The following DNAJC5 variants were observed in gnomAD, a reference collection of about 807,000 sequenced individuals.
DNAJC5 encodes DnaJ heat shock protein family (Hsp40) member C5.
DNAJC5 carries 1 observed loss-of-function variant against 23.2 expected under a neutral mutation model. That is an observed-to-expected ratio of 0.04 (90% CI 0.02 to 0.20). The LOEUF is 0.20. DNAJC5 is among the 10% of genes least tolerant of loss of function. The probability of loss-of-function intolerance (pLI) is 1.00; values close to 1 mark genes in which losing one functional copy is unlikely to be tolerated. For missense variants in DNAJC5, 180 were observed against 267.0 expected, an observed-to-expected ratio of 0.67 and a Z score of 2.27; for synonymous variants, 136 against 120.0, an observed-to-expected ratio of 1.13 and a Z score of -0.87.
Position 63,935,079 on chromosome 20 carries a change from T to C in DNAJC5, c.*3511T>C, listed in dbSNP as rs2053706883. The stretch of plus-strand genomic sequence containing the variant: ...CAGGACTGGCCTGTGTCTGTTATTT[T>C]GGTTGTAAATCATTCTCCTGTGGAA... On this transcript the variant is annotated 3_prime_UTR_variant, in exon 5 of 5. Transcript: ENST00000360864. 6.6e-6 allele frequency: 1 copy of C among 152,322 alleles called. No individual in the cohort carries two copies. Among genetic ancestry groups the C allele is most frequent in the African/African-American group, 2.4e-5 (1 of 41,476 alleles). 9.4% of individuals were successfully genotyped at this position (152,322 alleles called of 1,614,324 possible).
Position 63,931,122 on chromosome 20 carries a change from CTG to C in DNAJC5, c.493+103_493+104del. The stretch of plus-strand genomic sequence containing the variant: ...CTTGTCAAACAGGAGGGCACTGACA[CTG>C]TGCCGCGAGTGTTTGTGGTGGCAGC... On this transcript the variant is annotated intron_variant, in intron 4 of 4. Transcript: ENST00000360864. The surrounding 1 kb of genome is among the most constrained non-coding windows in gnomAD (Gnocchi z 9.6). 1 of 1,293,828 alleles carries C rather than the reference CTG, an allele frequency of 7.7e-7. No homozygotes were observed. The allele number at this position is 1,293,828 out of a possible 1,614,324, so 80.1% of individuals were successfully genotyped here. A position where few individuals can be genotyped will look rare whatever the true frequency, so the allele number is the denominator to read the frequency against.
chr20:63,915,546 C>T (rs554422829), intron 1 of DNAJC5, among the ~76,000 whole-genome samples: 2 of 152,242 alleles, frequency 1.3e-5, no homozygotes, highest in South Asian at 4.1e-4. Context: ...CTGGATATGT[C>T]CACTGGGCAC....
At chr20:63,904,256 C>T (rs931384154) in intron 1 of DNAJC5, among the ~76,000 whole-genome samples, 6 of 152,158 alleles carry the variant, frequency 3.9e-5, no homozygotes, top group Non-Finnish European at 8.8e-5. Context: ...TGTCATCATA[C>T]ATGTTAAAGT....
rs1422099172 is a variant in DNAJC5 at position 63,932,970 on chromosome 20, C to T, written c.*1402C>T. The T allele has an allele frequency of 5.9e-5, 9 of 152,500 alleles. No homozygotes were observed. The highest frequency in any genetic ancestry group is 1.3e-4 in the Non-Finnish European group (9 of 68,166). The allele number at this position is 152,500 out of a possible 1,614,324, so 9.4% of individuals were successfully genotyped here. ...GGAGCAGGGGGAACGGGTCTGATGTCCCTGTGCTGGCTGAGGGCTCAGAGC... is the reference window on the plus strand; with the variant it reads ...GGAGCAGGGGGAACGGGTCTGATGTTCCTGTGCTGGCTGAGGGCTCAGAGC... On this transcript the variant is annotated 3_prime_UTR_variant, in exon 5 of 5. Transcript: ENST00000360864. The surrounding 1 kb of genome is among the most constrained non-coding windows in gnomAD (Gnocchi z 4.4).
At chr20:63,910,354 C>G (rs1203772181) in intron 1 of DNAJC5, among the ~76,000 whole-genome samples, 1 of 152,026 alleles carries the variant, frequency 6.6e-6, no homozygotes, top group Non-Finnish European at 1.5e-5. Context: ...ACCATCCTGG[C>G]TAACACGGTG....
intron 1 of DNAJC5, among the ~76,000 whole-genome samples, chr20:63,919,207 A>T (rs1263129392): frequency 6.6e-6 from 1 of 152,238 alleles, no homozygotes; most frequent in African/African-American, 2.4e-5. Flanking sequence ...TCTGAGGAGC[A>T]GGGACCTGCT....
chr20:63,911,368 C>A (rs773778944), intron 1 of DNAJC5, among the ~76,000 whole-genome samples: 4 of 152,182 alleles, frequency 2.6e-5, no homozygotes, highest in Admixed American at 2.0e-4. Context: ...TTGTGACTCA[C>A]GAGGGCAGGC....
chr20:63,907,684 T>C (rs2053456462), intron 1 of DNAJC5, among the ~76,000 whole-genome samples: 1 of 152,166 alleles, frequency 6.6e-6, no homozygotes, highest in African/African-American at 2.4e-5. Flanking sequence ...TCAAAGCAGA[T>C]ATCACAAGTT....
At chr20:63,902,438 G>GGC in intron 1 of DNAJC5, among the ~76,000 whole-genome samples, 1 of 134,760 alleles carries the variant, frequency 7.4e-6, no homozygotes, top group African/African-American at 2.9e-5. Flanking sequence ...GTGTGATCTT[G>GGC]GCTCACCGCA....
intron 1 of DNAJC5, among the ~76,000 whole-genome samples, chr20:63,911,974 G>A (rs1428745181): frequency 2.0e-5 from 3 of 151,986 alleles, no homozygotes; most frequent in Admixed American, 6.6e-5. Context: ...TGCCATGGCC[G>A]GCTGGAAAGT....
chr20:63,929,096 C>G lies in DNAJC5; in HGVS notation c.108-216C>G. On this transcript the variant is annotated intron_variant, in intron 2 of 4. Transcript: ENST00000360864. This position sits in a 1 kb window ranked among gnomAD's most constrained non-coding sequence, Gnocchi z 8.6. ...CTCACAGCCCTTGGGGCTCCCTCCTCTGAGGCTGGGTCAGGGTGAGGAGGT... is the reference window on the plus strand; with the variant it reads ...CTCACAGCCCTTGGGGCTCCCTCCTGTGAGGCTGGGTCAGGGTGAGGAGGT... Among the ~76,000 whole-genome samples the G allele has an allele frequency of 6.6e-6, 1 of 152,242 alleles. No homozygotes were observed. The highest frequency in any genetic ancestry group is 1.9e-4 in the East Asian group (1 of 5,202).
chr20:63,901,190 C>G (rs1224323164), intron 1 of DNAJC5, among the ~76,000 whole-genome samples: 3 of 152,208 alleles, frequency 2.0e-5, no homozygotes, highest in Admixed American at 2.0e-4. Flanking sequence ...GTCTCAAACT[C>G]CTGAACTCAA....
chr20:63,908,777 G>T (rs2053463161), intron 1 of DNAJC5, among the ~76,000 whole-genome samples: 1 of 152,142 alleles, frequency 6.6e-6, no homozygotes, highest in South Asian at 2.1e-4. Context: ...CCCAGCCTGG[G>T]TGACAGAGTG....
At chr20:63,902,198 G>T (rs1487356357) in intron 1 of DNAJC5, among the ~76,000 whole-genome samples, 1 of 151,730 alleles carries the variant, frequency 6.6e-6, no homozygotes, top group Admixed American at 6.6e-5. Flanking sequence ...GGGACTACAG[G>T]CGCCCGCCAC....
At chr20:63,903,630 C>T (rs939962908) in intron 1 of DNAJC5, among the ~76,000 whole-genome samples, 6 of 152,022 alleles carry the variant, frequency 3.9e-5, no homozygotes, top group African/African-American at 7.2e-5. Context: ...TAATAAGGCT[C>T]TTCGTATAGA....
chr20:63,899,412 T>C (rs1267369497), intron 1 of DNAJC5, among the ~76,000 whole-genome samples: 1 of 150,884 alleles, frequency 6.6e-6, no homozygotes, highest in Non-Finnish European at 1.5e-5. Context: ...CCCTTTGCAT[T>C]AACTTTGGGT....
At chr20:63,924,810 C>T (rs1030223324) in intron 1 of DNAJC5, among the ~76,000 whole-genome samples, 4 of 152,320 alleles carry the variant, frequency 2.6e-5, no homozygotes, top group Non-Finnish European at 4.4e-5. Flanking sequence ...TTTTTCTTCT[C>T]GGTCACTTTG....
chr20:63,924,529 A>G (rs929047327), intron 1 of DNAJC5, among the ~76,000 whole-genome samples: 1 of 152,172 alleles, frequency 6.6e-6, no homozygotes, highest in Admixed American at 6.5e-5. Context: ...AGGACCACAG[A>G]CATGAGCCAC....
In DNAJC5 at chr20:63,933,621, C is replaced by T. The variant is rs1475930214; in HGVS notation, c.*2053C>T. ...AGGTGGCGAGACAGTGGGGTGCCTC[C>T]GTGCCGCTTCGTGCAGCAGCAAGTT... On this transcript the variant is annotated 3_prime_UTR_variant, in exon 5 of 5. Transcript: ENST00000360864. The T allele has an allele frequency of 1.3e-4, 20 of 152,368 alleles. No homozygotes were observed. The highest frequency in any genetic ancestry group is 1.1e-3 in the Admixed American group (17 of 15,286). The allele number at this position is 152,368 out of a possible 1,614,324, so 9.4% of individuals were successfully genotyped here.
Sources: allele counts gnomAD v4.1 joint callset (sites outside exome capture counted in the v4.1 genomes callset), GRCh38; gene constraint gnomAD v4.1.1; non-coding constraint Gnocchi (gnomAD v3.1); transcripts MANE v1.5; gene names NCBI Gene and HGNC (gene_info 2026-07-23, HGNC 2026-07-21).